The following ATL2 variants were observed in gnomAD, a reference collection of about 807,000 sequenced individuals.
ATL2 encodes the protein atlastin GTPase 2.
Under a neutral mutation model 73.9 loss-of-function variants are expected in ATL2, and 31 were observed. That is an observed-to-expected ratio of 0.42 (90% CI 0.32 to 0.57). ATL2 has a LOEUF of 0.57. Ranked by LOEUF, ATL2 falls within the 20% of genes least tolerant of loss-of-function variation. ATL2 has a pLI of 0.14. For missense variants in ATL2, 738 were observed against 702.6 expected (o/e 1.05, Z -0.57); for synonymous variants, 291 against 237.5 (o/e 1.23, Z -2.07).
At chr2:38,376,414 TCAGGC>T (rs1671969949) in intron 1 of ATL2, 2 of 405,246 alleles carry the variant, frequency 4.9e-6, no homozygotes, top group East Asian at 7.4e-5. Flanking sequence ...TTCAGAGTGA[TCAGGC>T]CTTACTATCG....
chr2:38,325,492 A>C (rs1423653954), intron 2 of ATL2, among the ~76,000 whole-genome samples: 2 of 152,050 alleles, frequency 1.3e-5, no homozygotes, highest in African/African-American at 4.8e-5. Context: ...CCTGAATATT[A>C]TCTCAAAGAA....
chr2:38,330,142 GAA>G (rs58004868), intron 2 of ATL2, among the ~76,000 whole-genome samples: 1 of 92,454 alleles, frequency 1.1e-5, no homozygotes, highest in Non-Finnish European at 2.5e-5. Flanking sequence ...AGAAAAGAAA[GAA>G]AAAAAAAACA....
chr2:38,355,070 T>C (rs1432131715), intron 1 of ATL2, among the ~76,000 whole-genome samples: 1 of 143,742 alleles, frequency 7.0e-6, no homozygotes, highest in East Asian at 2.0e-4. Flanking sequence ...CACTAAACAC[T>C]CCAATAAAAA....
At chr2:38,344,260 AAGC>A (rs1020869840) in intron 1 of ATL2, among the ~76,000 whole-genome samples, 1 of 152,168 alleles carries the variant, frequency 6.6e-6, no homozygotes, top group African/African-American at 2.4e-5. Flanking sequence ...TTTTCCCTGT[AAGC>A]ATCACCTAGA....
At chr2:38,304,558 G>A (rs1046902539) in intron 9 of ATL2, among the ~76,000 whole-genome samples, 1 of 152,198 alleles carries the variant, frequency 6.6e-6, no homozygotes, top group Non-Finnish European at 1.5e-5. Context: ...ACTAAAAGAC[G>A]AACCTATAAA....
chr2:38,371,472 G>A (rs948054118), intron 1 of ATL2, among the ~76,000 whole-genome samples: 1 of 152,026 alleles, frequency 6.6e-6, no homozygotes, highest in Non-Finnish European at 1.5e-5. Flanking sequence ...CTGCACTCCA[G>A]CCTTGGCAAC....
chr2:38,296,621 G>A (rs1444572235), intron 12 of ATL2: 1 of 1,610,892 alleles, frequency 6.2e-7, no homozygotes, highest in Admixed American at 1.7e-5. Context: ...TTAGGAGAAT[G>A]AATCAGAGTG....
rs561959664 is a variant in ATL2 at position 38,326,977 on chromosome 2, G to C, written c.364-7958C>G. Among the ~76,000 whole-genome samples, 10 of 151,618 alleles carry C rather than the reference G, an allele frequency of 6.6e-5. No homozygotes were observed. The South Asian group carries it at 2.1e-3, about 32-fold the overall frequency. ...CACTCCAGCCTGGGCGACAAAGCAA[G>C]GCTCCATCTCAAAAAACAAAGCAAA... On this transcript the variant is annotated intron_variant, in intron 2 of 12. Transcript: ENST00000378954.
intron 3 of ATL2, 29 bp from the exon 4 acceptor site, chr2:38,318,668 G>C (rs1573468179): frequency 6.5e-7 from 1 of 1,533,234 alleles, no homozygotes; most frequent in East Asian, 2.3e-5. Context: ...AAAATATTTA[G>C]TAAAACAGTT....
chr2:38,370,167 A>G (rs1227867250), intron 1 of ATL2, among the ~76,000 whole-genome samples: 2 of 143,222 alleles, frequency 1.4e-5, no homozygotes, highest in African/African-American at 2.9e-5. Flanking sequence ...AAAAAAAAAA[A>G]AAAAGAAAGA....
Position 38,294,524 on chromosome 2 carries a change from G to A in ATL2, c.*1470C>T, listed in dbSNP as rs571581650. The stretch of plus-strand genomic sequence containing the variant: ...GATCGCACCACTGCACTCCAGCCTG[G>A]GTGACAGAGAGAGACTCCGTCTCAA... On this transcript the variant is annotated 3_prime_UTR_variant, in exon 13 of 13. Transcript: ENST00000378954. Among the ~76,000 whole-genome samples the A allele has an allele frequency of 3.9e-5, 6 of 152,182 alleles. No individual in the cohort carries two copies. Among genetic ancestry groups the A allele is most frequent in the Non-Finnish European group, 7.4e-5 (5 of 68,010 alleles).
Position 38,295,549 on chromosome 2 carries a change from T to C in ATL2, c.*445A>G, listed in dbSNP as rs574194628. ...AGTAAAGCAATATATACTTTTAATGTAGTGGCTCAATAAAGGCTTCATTGT... is the reference window on the plus strand; with the variant it reads ...AGTAAAGCAATATATACTTTTAATGCAGTGGCTCAATAAAGGCTTCATTGT... On this transcript the variant is annotated 3_prime_UTR_variant, in exon 13 of 13. Coordinates refer to ENST00000378954, the MANE Select transcript of ATL2 (RefSeq NM_001135673.4). The C allele has an allele frequency of 6.5e-6, 1 of 153,768 alleles. No individual in the cohort carries two copies. The highest frequency in any genetic ancestry group is 2.4e-5 in the African/African-American group (1 of 41,580). 9.5% of individuals were successfully genotyped at this position (153,768 alleles called of 1,614,324 possible). A position where few individuals can be genotyped will look rare whatever the true frequency, so the allele number is the denominator to read the frequency against.
At chr2:38,329,958 A>G (rs1484389298) in intron 2 of ATL2, among the ~76,000 whole-genome samples, 2 of 151,930 alleles carry the variant, frequency 1.3e-5, no homozygotes, top group Non-Finnish European at 1.5e-5. Context: ...GCAAAACCCC[A>G]TCTCTACTAA....
At chr2:38,361,530 G>A (rs1046265975) in intron 1 of ATL2, among the ~76,000 whole-genome samples, 5 of 152,032 alleles carry the variant, frequency 3.3e-5, no homozygotes, top group South Asian at 2.1e-4. Flanking sequence ...GCATATCTAC[G>A]AAGAAAGGGT....
chr2:38,297,385 T>C (rs1666952338), intron 12 of ATL2, among the ~76,000 whole-genome samples: 1 of 152,216 alleles, frequency 6.6e-6, no homozygotes, highest in African/African-American at 2.4e-5. Context: ...ATTCTGGTCC[T>C]TGACATGATG....
At chr2:38,324,300 G>A (rs1668483404) in intron 2 of ATL2, among the ~76,000 whole-genome samples, 1 of 152,078 alleles carries the variant, frequency 6.6e-6, no homozygotes. Flanking sequence ...TCCAAGTAGT[G>A]CTACAATAAT....
At chr2:38,376,039 C>T (rs998287232) in intron 1 of ATL2, 6 of 1,373,168 alleles carry the variant, frequency 4.4e-6, no homozygotes, top group Non-Finnish European at 4.8e-6. Flanking sequence ...AACCTTTACA[C>T]ACCGTAAAAA....
intron 9 of ATL2, among the ~76,000 whole-genome samples, chr2:38,306,048 A>G (rs1392872582): frequency 6.6e-6 from 1 of 152,220 alleles, no homozygotes; most frequent in African/African-American, 2.4e-5. Context: ...AAAATCAGAG[A>G]TGAAAAAGGA....
chr2:38,376,813 C>T (rs1671997546), intron 1 of ATL2, among the ~76,000 whole-genome samples: 1 of 151,558 alleles, frequency 6.6e-6, no homozygotes, highest in African/African-American at 2.4e-5. Context: ...GCGGCCACGG[C>T]TCAAGGCCGC....
Sources: allele counts gnomAD v4.1 joint callset (sites outside exome capture counted in the v4.1 genomes callset), GRCh38; gene constraint gnomAD v4.1.1; transcripts MANE v1.5; gene names NCBI Gene and HGNC (gene_info 2026-07-23, HGNC 2026-07-21).